PPP2R5A: variants seen among roughly 807,000 people sequenced by gnomAD.
PPP2R5A encodes protein phosphatase 2 regulatory subunit B'alpha.
Under a neutral mutation model 64.2 loss-of-function variants are expected in PPP2R5A, and 25 were observed. That is an observed-to-expected ratio of 0.39 (90% CI 0.28 to 0.54). The LOEUF is 0.54. Among genes scored for constraint, PPP2R5A ranks in the 20% least tolerant of loss-of-function variants. The probability of loss-of-function intolerance (pLI) is 0.67; values close to 1 mark genes in which losing one functional copy is unlikely to be tolerated. For synonymous variants in PPP2R5A, 198 were observed against 201.2 expected (o/e 0.98, Z 0.13); for missense variants, 425 against 576.3 (o/e 0.74, Z 2.69).
At chr1:212,324,809 G>C (rs1362646198) in intron 1 of PPP2R5A, among the ~76,000 whole-genome samples, 1 of 152,078 alleles carries the variant, frequency 6.6e-6, no homozygotes, top group Non-Finnish European at 1.5e-5. Flanking sequence ...GTTTCACCAT[G>C]TTAGCTAGGA....
At chr1:212,303,725 C>T (rs1202335104) in intron 1 of PPP2R5A, among the ~76,000 whole-genome samples, 1 of 152,086 alleles carries the variant, frequency 6.6e-6, no homozygotes. Context: ...TAGGGTATGA[C>T]TTAAGGATTC....
chr1:212,344,348 T>A (rs6693849), intron 4 of PPP2R5A, among the ~76,000 whole-genome samples: 19,755 of 152,224 alleles, frequency 0.13, 1,609 homozygotes, highest in Middle Eastern at 0.22. Context: ...CCGTAGATAT[T>A]TTTTGCTGGA....
At chr1:212,322,294 A>C in intron 1 of PPP2R5A, among the ~76,000 whole-genome samples, 1 of 147,554 alleles carries the variant, frequency 6.8e-6, no homozygotes, top group Admixed American at 6.8e-5. Flanking sequence ...GGAGAGGGAG[A>C]GCTTCTTACA....
In PPP2R5A at chr1:212,306,275, G is replaced by A. The variant is rs962138726; in HGVS notation, c.181+19984G>A. 2.2e-4 allele frequency among the ~76,000 whole-genome samples: 33 copies of A among 151,998 alleles called. 1 individual carries two copies. In the South Asian group the frequency reaches 3.3e-3, roughly 15 times the overall value. On this transcript the variant is annotated intron_variant, in intron 1 of 12. Transcript: ENST00000261461. The stretch of plus-strand genomic sequence containing the variant: ...CAAATAAGGAAAGGAATGTGAGCTG[G>A]TACTGATAACACTTGGTAGTGTGGC...
intron 1 of PPP2R5A, among the ~76,000 whole-genome samples, chr1:212,308,132 A>G (rs1348811516): frequency 6.6e-6 from 1 of 151,976 alleles, no homozygotes; most frequent in Non-Finnish European, 1.5e-5. Context: ...GTTTTATTGG[A>G]TATAGGATTT....
chr1:212,358,993 G>A (rs990443069), intron 12 of PPP2R5A, among the ~76,000 whole-genome samples: 3 of 152,044 alleles, frequency 2.0e-5, no homozygotes, highest in South Asian at 4.1e-4. Flanking sequence ...ATTTGTTAAA[G>A]CAGAAAAAGC....
At chr1:212,316,191 T>A (rs1342364949) in intron 1 of PPP2R5A, among the ~76,000 whole-genome samples, 4 of 152,138 alleles carry the variant, frequency 2.6e-5, no homozygotes, top group Non-Finnish European at 5.9e-5. Context: ...TTAAGCTTAG[T>A]GAGGAAGGCA....
intron 3 of PPP2R5A, among the ~76,000 whole-genome samples, chr1:212,337,505 A>G (rs1022078330): frequency 4.6e-5 from 7 of 152,150 alleles, no homozygotes; most frequent in African/African-American, 1.7e-4. Flanking sequence ...ATTACAGTGT[A>G]CACCTTTACA....
chr1:212,292,651 C>A (rs772113843), intron 1 of PPP2R5A, among the ~76,000 whole-genome samples: 9 of 152,176 alleles, frequency 5.9e-5, no homozygotes, highest in African/African-American at 7.2e-5. Context: ...TAACTTACTG[C>A]AGCCTCAAAC....
chr1:212,356,515 C>A, intron 8 of PPP2R5A, 111 bp from the exon 9 acceptor site: 2 of 951,738 alleles, frequency 2.1e-6, no homozygotes, highest in Non-Finnish European at 3.1e-6. Flanking sequence ...ATATATTAAG[C>A]AATATTGATT....
chr1:212,348,408 T>C lies in PPP2R5A; in HGVS notation c.784T>C (p.Leu262=), dbSNP rs778867763. The change falls in exon 7 of 13, where the codon TTG becomes CTG. Residue 262 remains leucine, a synonymous_variant. Transcript: ENST00000261461. ...CTCCAGTATTATCAATGGCTTTGCATTGCCACTGAAAGCAGAACATAAACA... is the reference window on the plus strand; with the variant it reads ...CTCCAGTATTATCAATGGCTTTGCACTGCCACTGAAAGCAGAACATAAACA... ...ILGSIINGFA[L]PLKAEHKQFL... 10 of 1,607,624 alleles carry C rather than the reference T, an allele frequency of 6.2e-6. No individual in the cohort carries two copies. The Admixed American group carries it at 6.7e-5, about 11-fold the overall frequency.
At chr1:212,302,423 A>G (rs967757605) in intron 1 of PPP2R5A, among the ~76,000 whole-genome samples, 1 of 152,194 alleles carries the variant, frequency 6.6e-6, no homozygotes, top group African/African-American at 2.4e-5. Context: ...AGACAAAACT[A>G]GTGGATTCTG....
At chr1:212,309,403 T>A in intron 1 of PPP2R5A, 1 of 1,401,868 alleles carries the variant, frequency 7.1e-7, no homozygotes. Flanking sequence ...CGTGCGGATC[T>A]TCTTTTTTTT....
At chr1:212,353,637 CTTGT>C (rs1438518802) in intron 8 of PPP2R5A, among the ~76,000 whole-genome samples, 1 of 152,084 alleles carries the variant, frequency 6.6e-6, no homozygotes, top group Non-Finnish European at 1.5e-5. Context: ...CCAATATAAT[CTTGT>C]TTTAGTTGCT....
At chr1:212,289,903 AGAAATG>A (rs1658570501) in intron 1 of PPP2R5A, among the ~76,000 whole-genome samples, 1 of 152,228 alleles carries the variant, frequency 6.6e-6, no homozygotes. Flanking sequence ...GCACGAGTGT[AGAAATG>A]GAAATAGGAT....
chr1:212,353,197 TG>T (rs568657812), intron 8 of PPP2R5A, among the ~76,000 whole-genome samples: 135 of 152,348 alleles, frequency 8.9e-4, no homozygotes, highest in South Asian at 1.9e-3. Context: ...GGCTGGCTGT[TG>T]GCCAGAGCCC....
chr1:212,286,557 G>C (rs532361952), intron 1 of PPP2R5A, among the ~76,000 whole-genome samples: 2 of 152,090 alleles, frequency 1.3e-5, no homozygotes, highest in African/African-American at 4.8e-5. Context: ...CCACCTGCGC[G>C]CTTGCTTAAC....
intron 1 of PPP2R5A, among the ~76,000 whole-genome samples, chr1:212,322,007 G>C (rs917296740): frequency 2.7e-5 from 4 of 150,756 alleles, no homozygotes; most frequent in South Asian, 2.1e-4. Context: ...CCAACACAGC[G>C]AAACCCCGTC....
At chr1:212,342,007 T>C (rs1306021843) in intron 3 of PPP2R5A, among the ~76,000 whole-genome samples, 181 bp from the exon 4 acceptor site, 2 of 152,128 alleles carry the variant, frequency 1.3e-5, no homozygotes, top group Non-Finnish European at 2.9e-5. Flanking sequence ...CTAAAGTGTG[T>C]TGGGAGTACA....
Sources: allele counts gnomAD v4.1 joint callset (sites outside exome capture counted in the v4.1 genomes callset), GRCh38; gene constraint gnomAD v4.1.1; transcripts MANE v1.5; gene names NCBI Gene and HGNC (gene_info 2026-07-23, HGNC 2026-07-21).